OPCML: variants seen among roughly 807,000 people sequenced by gnomAD.
The protein encoded by OPCML is opioid binding protein/cell adhesion molecule like.
Under a neutral mutation model 37.8 loss-of-function variants are expected in OPCML, and 13 were observed. That is an observed-to-expected ratio of 0.34 (90% CI 0.22 to 0.55). OPCML has a LOEUF of 0.55. Ranked by LOEUF, OPCML falls within the 20% of genes least tolerant of loss-of-function variation. The pLI is 0.91. For missense variants in OPCML, 341 were observed against 435.6 expected, an observed-to-expected ratio of 0.78 and a Z score of 1.93; for synonymous variants, 176 against 168.8, an observed-to-expected ratio of 1.04 and a Z score of -0.33.
intron 1 of OPCML, among the ~76,000 whole-genome samples, chr11:133,266,825 C>A (rs912224078): frequency 1.3e-5 from 2 of 152,118 alleles, no homozygotes; most frequent in African/African-American, 2.4e-5. Context: ...CTATTGCTTT[C>A]GATTAGAATC....
chr11:133,106,035 C>G (rs1949152798), intron 1 of OPCML, among the ~76,000 whole-genome samples: 1 of 151,844 alleles, frequency 6.6e-6, no homozygotes, highest in Non-Finnish European at 1.5e-5. Context: ...TCAGTATGTT[C>G]AATGGTGCCA....
At chr11:133,457,325 A>C (rs1565643954) in intron 1 of OPCML, among the ~76,000 whole-genome samples, 1 of 152,190 alleles carries the variant, frequency 6.6e-6, no homozygotes, top group East Asian at 1.9e-4. Context: ...TAAGCCCAGG[A>C]GTTCAAGACT....
chr11:133,394,471 C>A (rs1320263457), intron 1 of OPCML, among the ~76,000 whole-genome samples: 1 of 152,156 alleles, frequency 6.6e-6, no homozygotes, highest in Non-Finnish European at 1.5e-5. Flanking sequence ...ACTATAGTCA[C>A]CTTGTTGTAC....
intron 1 of OPCML, among the ~76,000 whole-genome samples, chr11:133,090,159 T>A (rs1035306972): frequency 2.0e-5 from 3 of 152,160 alleles, no homozygotes; most frequent in Non-Finnish European, 4.4e-5. Flanking sequence ...TTAGACATGC[T>A]TCTCCTCCTA....
intron 2 of OPCML, among the ~76,000 whole-genome samples, chr11:132,818,101 G>T (rs1939734138): frequency 6.6e-6 from 1 of 151,954 alleles, no homozygotes; most frequent in Middle Eastern, 3.2e-3. Context: ...GACAATCTGG[G>T]GCTATACTGG....
At chr11:133,376,946 T>C (rs758029552) in intron 1 of OPCML, among the ~76,000 whole-genome samples, 129 of 151,100 alleles carry the variant, frequency 8.5e-4, no homozygotes, top group Admixed American at 1.4e-3. Context: ...AAATGGGAAA[T>C]GAAGAAAGGT....
At chr11:133,016,231 G>A (rs1009815272) in intron 1 of OPCML, among the ~76,000 whole-genome samples, 4 of 152,210 alleles carry the variant, frequency 2.6e-5, no homozygotes, top group African/African-American at 7.2e-5. Flanking sequence ...TGGGCCTCAC[G>A]AGGTTGAAGT....
At chr11:133,236,425 C>A (rs750432622) in intron 1 of OPCML, among the ~76,000 whole-genome samples, 2 of 152,166 alleles carry the variant, frequency 1.3e-5, no homozygotes, top group East Asian at 1.9e-4. Flanking sequence ...CCATGAGTAT[C>A]CCAAGTCACA....
intron 2 of OPCML, among the ~76,000 whole-genome samples, chr11:132,743,112 A>T (rs1331531866): frequency 6.6e-6 from 1 of 152,178 alleles, no homozygotes; most frequent in Non-Finnish European, 1.5e-5. Context: ...GTTCTGGTGC[A>T]TGACAACGTC....
At chr11:132,969,078 A>G (rs1348270320) in intron 1 of OPCML, among the ~76,000 whole-genome samples, 1 of 151,964 alleles carries the variant, frequency 6.6e-6, no homozygotes, top group Non-Finnish European at 1.5e-5. Flanking sequence ...ACTCAACCAA[A>G]TTGGTAGTCT....
At chr11:132,598,065 G>A (rs1479982124) in intron 3 of OPCML, among the ~76,000 whole-genome samples, 3 of 151,532 alleles carry the variant, frequency 2.0e-5, no homozygotes, top group Non-Finnish European at 2.9e-5. Flanking sequence ...TCATAGTTCC[G>A]TTCTTTCTCT....
intron 2 of OPCML, among the ~76,000 whole-genome samples, chr11:132,763,894 C>T (rs1946347396): frequency 6.6e-6 from 1 of 152,216 alleles, no homozygotes; most frequent in Non-Finnish European, 1.5e-5. Flanking sequence ...TCATTTTGCT[C>T]ACAAACACTA....
At chr11:132,674,819 C>T (rs1239010742) in intron 2 of OPCML, among the ~76,000 whole-genome samples, 1 of 152,180 alleles carries the variant, frequency 6.6e-6, no homozygotes, top group East Asian at 1.9e-4. Flanking sequence ...ATATCCCTCT[C>T]TAAGGCACAT....
chr11:132,700,128 T>C (rs191572561), intron 2 of OPCML, among the ~76,000 whole-genome samples: 3 of 152,188 alleles, frequency 2.0e-5, no homozygotes, highest in East Asian at 1.9e-4. Context: ...TTATGATCTT[T>C]TGTGTTTCTG....
chr11:132,775,006 C>T (rs574663729), intron 2 of OPCML, among the ~76,000 whole-genome samples: 1 of 152,170 alleles, frequency 6.6e-6, no homozygotes, highest in Non-Finnish European at 1.5e-5. Context: ...GAGGGACTGC[C>T]GTCAGAATGA....
intron 1 of OPCML, among the ~76,000 whole-genome samples, chr11:133,252,563 A>G (rs1390163737): frequency 6.6e-6 from 1 of 152,092 alleles, no homozygotes; most frequent in Non-Finnish European, 1.5e-5. Flanking sequence ...CTTAGTTCAG[A>G]TGGTTCCCAG....
At chr11:133,000,372 C>A (rs1303987485) in intron 1 of OPCML, among the ~76,000 whole-genome samples, 1 of 152,224 alleles carries the variant, frequency 6.6e-6, no homozygotes, top group Non-Finnish European at 1.5e-5. Context: ...CTCGGCCTCT[C>A]AAAGTGCTGG....
intron 2 of OPCML, among the ~76,000 whole-genome samples, chr11:132,838,588 G>T (rs1386785471): frequency 3.3e-5 from 5 of 152,176 alleles, no homozygotes; most frequent in Non-Finnish European, 5.9e-5. Flanking sequence ...AGCATTGCTG[G>T]CATAATTTTA....
intron 1 of OPCML, among the ~76,000 whole-genome samples, chr11:133,162,991 G>C (rs1018313743): frequency 7.2e-5 from 11 of 152,186 alleles, no homozygotes; most frequent in Non-Finnish European, 1.6e-4. Context: ...TGATAAGAAA[G>C]GCTCTCCTAA....
Sources: allele counts gnomAD v4.1 joint callset (sites outside exome capture counted in the v4.1 genomes callset), GRCh38; gene constraint gnomAD v4.1.1; transcripts MANE v1.5; gene names NCBI Gene and HGNC (gene_info 2026-07-23, HGNC 2026-07-21).